The following GSTK1 variants were observed in gnomAD, a reference collection of about 807,000 sequenced individuals.
The protein encoded by GSTK1 is GST class-kappa.
In GSTK1, 25 loss-of-function variants were observed where a neutral mutation model predicts 30.9. That is an observed-to-expected ratio of 0.81 (90% CI 0.59 to 1.13). The LOEUF is 1.13. Ranked by LOEUF, GSTK1 falls within the 50% of genes most tolerant of loss-of-function variation. The pLI is 0.00. For synonymous variants in GSTK1, 108 were observed against 112.5 expected (o/e 0.96, Z 0.25); for missense variants, 292 against 292.4 (o/e 1.00, Z 0.01).
intron 2 of GSTK1, 129 bp from the exon 3 acceptor site, chr7:143,264,419 G>A (rs1028025483): frequency 8.0e-6 from 8 of 1,003,014 alleles, no homozygotes; most frequent in African/African-American, 3.2e-5. Flanking sequence ...ACTCCAGCCT[G>A]GGCAACAAGA....
Position 143,264,181 on chromosome 7 carries a change from G to C in GSTK1, c.154+14G>C. The C allele has an allele frequency of 1.2e-6, 2 of 1,610,292 alleles. No individual in the cohort carries two copies. The highest frequency in any genetic ancestry group is 1.7e-6 in the Non-Finnish European group (2 of 1,176,606). The stretch of plus-strand genomic sequence containing the variant: ...TGAAAGACAGTGGTAGGAAGGGAGG[G>C]TCGGGGCAGGGGTGATCTCAGTGGC... On this transcript the variant is annotated intron_variant, in intron 2 of 7. Transcript: ENST00000358406.
rs947616031 is a variant in GSTK1, at chr7:143,268,678, T to A, written c.632-110T>A. On this transcript the variant is annotated intron_variant, in intron 7 of 7. Transcript: ENST00000358406. The surrounding 1 kb of genome is among the most constrained non-coding windows in gnomAD (Gnocchi z 4.1). Reference sequence around the variant, plus strand: ...AAAGAAAAGGAAGCCTTCTATACCTTGAAGCCAAGCAAAAGTCTTTCTAGA... The same window carrying A: ...AAAGAAAAGGAAGCCTTCTATACCTAGAAGCCAAGCAAAAGTCTTTCTAGA... The A allele has an allele frequency of 1.1e-6, 1 of 947,780 alleles. No homozygotes were observed. The highest frequency in any genetic ancestry group is 1.6e-5 in the African/African-American group (1 of 60,924). 58.7% of individuals were successfully genotyped at this position (947,780 alleles called of 1,614,324 possible).
rs1342982829 is a variant in GSTK1, at chr7:143,264,107, A to G, written c.94A>G (p.Ile32Val). 2 of 1,614,032 alleles carry G rather than the reference A, an allele frequency of 1.2e-6. No individual in the cohort carries two copies. The highest frequency in any genetic ancestry group is 2.2e-5 in the South Asian group (2 of 91,068). Residue 32 changes from isoleucine to valine, a missense_variant, in exon 2 of 8, where the codon ATC (isoleucine) becomes GTC (valine). Physicochemically the swap from Ile to Val is conservative, Grantham distance 29. Coordinates refer to ENST00000358406, the MANE Select transcript of GSTK1 (RefSeq NM_015917.3). Reference protein sequence around the residue: ...GFEILCRYQNIWNINLQLRPS... With the variant: ...GFEILCRYQNVWNINLQLRPS... ...GCAGATCCTGTGCCGGTATCAGAATATCTGGAACATCAACCTGCAGTTGCG... is the reference window on the plus strand; with the variant it reads ...GCAGATCCTGTGCCGGTATCAGAATGTCTGGAACATCAACCTGCAGTTGCG...
intron 5 of GSTK1, among the ~76,000 whole-genome samples, chr7:143,267,206 G>C (rs1052279749): frequency 1.4e-4 from 22 of 152,332 alleles, no homozygotes; most frequent in Admixed American, 2.6e-4. Context: ...CTTAGGAACT[G>C]TGAGAGGTAG....
rs568196611 is a variant in GSTK1, at chr7:143,267,827, C to T, written c.537+94C>T. The stretch of plus-strand genomic sequence containing the variant: ...GAGTCCTTATGCTCCTGTACAAAAG[C>T]CCCCTTTCCAAGTGTTCTCCTCAGT... On this transcript the variant is annotated intron_variant, in intron 6 of 7. Transcript: ENST00000358406. 1.8e-4 allele frequency: 162 copies of T among 883,382 alleles called. No homozygotes were observed. The East Asian group carries it at 2.7e-3, about 15-fold the overall frequency. 54.7% of individuals were successfully genotyped at this position (883,382 alleles called of 1,614,324 possible).
At position 143,268,542 on chromosome 7, in the gene GSTK1, C is replaced by T. The variant is rs1383550063; in HGVS notation, c.632-246C>T. ...CTCCACACCCACTATATCAGTTGACCAGAAGGAGGGGCTCAGAGCAAAAAA... is the reference window on the plus strand; with the variant it reads ...CTCCACACCCACTATATCAGTTGACTAGAAGGAGGGGCTCAGAGCAAAAAA... On this transcript the variant is annotated intron_variant, in intron 7 of 7. Coordinates refer to ENST00000358406, the MANE Select transcript of GSTK1 (RefSeq NM_015917.3). The surrounding 1 kb of genome is among the most constrained non-coding windows in gnomAD (Gnocchi z 4.1). Among the ~76,000 whole-genome samples the T allele has an allele frequency of 6.6e-6, 1 of 152,142 alleles. No individual in the cohort carries two copies. Among genetic ancestry groups the T allele is most frequent in the Non-Finnish European group, 1.5e-5 (1 of 68,036 alleles).
At chr7:143,267,997 T>A (rs1249308697) in intron 6 of GSTK1, 94 bp from the exon 7 acceptor site, 1 of 958,888 alleles carries the variant, frequency 1.0e-6, no homozygotes, top group African/African-American at 1.6e-5. Context: ...TCTTTGCTTC[T>A]GTGAACTCAG....
intron 5 of GSTK1, among the ~76,000 whole-genome samples, chr7:143,266,063 C>T (rs948194511): frequency 1.7e-5 from 2 of 120,730 alleles, no homozygotes; most frequent in Non-Finnish European, 3.2e-5. Flanking sequence ...CACGGTCTGG[C>T]TCTGTCGCCC....
At chr7:143,265,337 T>C in intron 5 of GSTK1, 41 bp downstream of exon 5, 1 of 1,530,826 alleles carries the variant, frequency 6.5e-7, no homozygotes, top group East Asian at 2.4e-5. Context: ...TCATAGAGAA[T>C]CTGAGAACAG....
Position 143,268,376 on chromosome 7 carries a change from G to A in GSTK1, c.631+192G>A, listed in dbSNP as rs1369247264. Among the ~76,000 whole-genome samples, 1 of 152,142 alleles carries A rather than the reference G, an allele frequency of 6.6e-6. No homozygotes were observed. The highest frequency in any genetic ancestry group is 2.4e-5 in the African/African-American group (1 of 41,434). ...ACTACAGCTGCCTCAGTGGGAGGCT[G>A]AGGCAGGAGAATCACTTGAACCTGG... is the stretch of plus-strand genomic sequence containing the variant. On this transcript the variant is annotated intron_variant, in intron 7 of 7. Coordinates refer to ENST00000358406, the MANE Select transcript of GSTK1 (RefSeq NM_015917.3). The surrounding 1 kb of genome is among the most constrained non-coding windows in gnomAD (Gnocchi z 4.1).
chr7:143,263,983 C>A, intron 1 of GSTK1, 103 bp from the exon 2 acceptor site: 1 of 955,016 alleles, frequency 1.0e-6, no homozygotes, highest in Non-Finnish European at 1.7e-6. Flanking sequence ...GTAGGGTGTC[C>A]GCATAACCCC....
rs1294816456 is a variant in GSTK1, at chr7:143,268,469, C to T, written c.631+285C>T. 2.6e-5 allele frequency among the ~76,000 whole-genome samples: 4 copies of T among 152,016 alleles called. No individual in the cohort carries two copies. The highest frequency in any genetic ancestry group is 3.9e-4 in the East Asian group (2 of 5,180). On this transcript the variant is annotated intron_variant, in intron 7 of 7. Coordinates refer to ENST00000358406, the MANE Select transcript of GSTK1 (RefSeq NM_015917.3). This position sits in a 1 kb window ranked among gnomAD's most constrained non-coding sequence, Gnocchi z 4.1. ...CAGCCTGGGTGACAAAGCAAGACTC[C>T]GTCTCAAAAAATAAAAAGATTCAAC...
At chr7:143,263,643 T>C (rs1430413347) in intron 1 of GSTK1, 58 bp downstream of exon 1, 10 of 1,502,278 alleles carry the variant, frequency 6.7e-6, no homozygotes, top group African/African-American at 1.4e-5. Context: ...GAGGGAAGAG[T>C]GAGCGCAGGG....
intron 1 of GSTK1, chr7:143,263,839 C>T: frequency 1.7e-6 from 1 of 602,596 alleles, no homozygotes; most frequent in South Asian, 2.0e-5. Flanking sequence ...TCCAAACATT[C>T]AGGGAGAAAT....
chr7:143,264,288 A>G, intron 2 of GSTK1, 121 bp downstream of exon 2: 1 of 928,928 alleles, frequency 1.1e-6, no homozygotes, highest in East Asian at 2.5e-5. Flanking sequence ...TACTAAAAAT[A>G]CAAAATTAGC....
rs546731104 is a variant in GSTK1 at position 143,265,057 on chromosome 7, G to C, written c.349G>C (p.Ala117Pro). Reference protein sequence around the residue: ...NLEHPEMLEKASRELWMRVWS... With the variant: ...NLEHPEMLEKPSRELWMRVWS... The stretch of plus-strand genomic sequence containing the variant: ...GGAGCATCCAGAGATGCTGGAGAAA[G>C]CGTCCCGGGAGCTGTGGATGCGCGT... Residue 117 changes from alanine (A) to proline (P), a missense_variant, in exon 4 of 8, where the codon GCG (alanine) becomes CCG (proline). Physicochemically the swap from Ala to Pro is conservative, Grantham distance 27. Transcript: ENST00000358406. The C allele has an allele frequency of 5.6e-6, 9 of 1,614,178 alleles. No homozygotes were observed. In the East Asian group the frequency reaches 1.8e-4, roughly 32 times the overall value.
At chr7:143,267,762 C>A in intron 6 of GSTK1, 29 bp downstream of exon 6, 1 of 1,449,358 alleles carries the variant, frequency 6.9e-7, no homozygotes, top group Non-Finnish European at 9.7e-7. Flanking sequence ...GTGTTCCCAG[C>A]ACCCATCCTG....
At chr7:143,264,476 C>G (rs1800811466) in intron 2 of GSTK1, 72 bp from the exon 3 acceptor site, 1 of 1,542,504 alleles carries the variant, frequency 6.5e-7, no homozygotes, top group Admixed American at 1.9e-5. Flanking sequence ...TGCCCAAAAC[C>G]CACGTCGAGG....
intron 2 of GSTK1, 40 bp from the exon 3 acceptor site, chr7:143,264,508 G>A (rs540832297): frequency 6.2e-7 from 1 of 1,612,498 alleles, no homozygotes; most frequent in South Asian, 1.1e-5. Flanking sequence ...GGGACCCTTA[G>A]GTCTTTTCTC....
Sources: allele counts gnomAD v4.1 joint callset (sites outside exome capture counted in the v4.1 genomes callset), GRCh38; gene constraint gnomAD v4.1.1; non-coding constraint Gnocchi (gnomAD v3.1); transcripts MANE v1.5; gene names NCBI Gene and HGNC (gene_info 2026-07-23, HGNC 2026-07-21).